The following CCDC186 variants were observed in gnomAD, a reference collection of about 807,000 sequenced individuals.
The protein encoded by CCDC186 is coiled-coil domain-containing protein 186.
In CCDC186, 49 loss-of-function variants were observed where a neutral mutation model predicts 113.7. The observed-to-expected ratio is 0.43, with a 90% CI of 0.34 to 0.55. The LOEUF is 0.55. Among genes scored for constraint, CCDC186 ranks in the 20% least tolerant of loss-of-function variants. The pLI is 0.02. For synonymous variants in CCDC186, 355 were observed against 345.8 expected, an observed-to-expected ratio of 1.03 and a Z score of -0.30; for missense variants, 890 against 1,011.1, an observed-to-expected ratio of 0.88 and a Z score of 1.62.
chr10:114,133,824 G>A lies in CCDC186; in HGVS notation c.1655+1089C>T, dbSNP rs371846808. Among the ~76,000 whole-genome samples the A allele has an allele frequency of 7.2e-5, 11 of 152,234 alleles. No individual in the cohort carries two copies. The East Asian group carries it at 1.7e-3, about 24-fold the overall frequency. On this transcript the variant is annotated intron_variant, in intron 10 of 15. Coordinates refer to ENST00000369287, the MANE Select transcript of CCDC186 (RefSeq NM_018017.4). ...TACAGAACATAGGAAGTGAGGAAAC[G>A]GAGAATGAATACAGAAGATTATATA...
In CCDC186 at chr10:114,169,234, CTTTTTTTT is replaced by C. The variant is rs34677282; in HGVS notation, c.-62+4773_-62+4780del. 5.6e-3 allele frequency among the ~76,000 whole-genome samples: 543 copies of C among 97,514 alleles called. 1 individual carries two copies. Among genetic ancestry groups the C allele is most frequent in the African/African-American group, 0.019 (493 of 25,424 alleles). The allele number at this position is 97,514 out of a possible 152,430, so 64.0% of individuals were successfully genotyped here. On this transcript the variant is annotated intron_variant, in intron 1 of 15. Transcript: ENST00000369287. ...TTAAATTATAAACTGTAGTACCATT[CTTTTTTTT>C]TTTTTTTTTTTTTTTTCTTAAAAAT...
chr10:114,160,706 G>C (rs1029031904), intron 2 of CCDC186, among the ~76,000 whole-genome samples: 1 of 152,076 alleles, frequency 6.6e-6, no homozygotes, highest in African/African-American at 2.4e-5. Flanking sequence ...TATAAACAAA[G>C]ATTTGGAAAT....
At chr10:114,156,622 G>C (rs1490855581) in intron 3 of CCDC186, among the ~76,000 whole-genome samples, 1 of 152,154 alleles carries the variant, frequency 6.6e-6, no homozygotes, top group Non-Finnish European at 1.5e-5. Context: ...AGGTACTCCC[G>C]AGGCTGAGGC....
chr10:114,144,683 C>T, intron 5 of CCDC186, 67 bp from the exon 6 acceptor site: 2 of 1,377,166 alleles, frequency 1.5e-6, no homozygotes, highest in Non-Finnish European at 2.0e-6. Flanking sequence ...TTTTATATTC[C>T]CCACAAAGTA....
At chr10:114,127,429 A>G in intron 14 of CCDC186, 32 bp downstream of exon 14, 1 of 1,592,670 alleles carries the variant, frequency 6.3e-7, no homozygotes, top group Non-Finnish European at 8.6e-7. Context: ...CGGTATTTTG[A>G]AGACCGATCA....
chr10:114,133,561 A>G (rs1001063722), intron 10 of CCDC186, among the ~76,000 whole-genome samples: 13 of 152,370 alleles, frequency 8.5e-5, no homozygotes, highest in African/African-American at 2.4e-4. Context: ...TATGAGAGAA[A>G]GAGAAGCCTG....
chr10:114,161,497 G>A (rs897023044), intron 2 of CCDC186: 1 of 152,058 alleles, frequency 6.6e-6, no homozygotes, highest in African/African-American at 2.4e-5. Flanking sequence ...AGTAAAGTGG[G>A]AAGAGGCATC....
At chr10:114,137,818 T>A (rs1440443485) in intron 6 of CCDC186, among the ~76,000 whole-genome samples, 2 of 151,294 alleles carry the variant, frequency 1.3e-5, no homozygotes, top group African/African-American at 4.9e-5. Context: ...GGGCAGATCA[T>A]CAGAGGTCGG....
At position 114,145,609 on chromosome 10, in the gene CCDC186, A is replaced by G. The variant is rs998802548; in HGVS notation, c.1041T>C (p.Thr347=). 4 of 1,612,936 alleles carry G rather than the reference A, an allele frequency of 2.5e-6. No individual in the cohort carries two copies. The highest frequency in any genetic ancestry group is 3.4e-6 in the Non-Finnish European group (4 of 1,179,846). The change falls in exon 5 of 16, where the codon ACT becomes ACC. Residue 347 remains threonine, a synonymous_variant. Transcript: ENST00000369287. ...RDANKELEKN[T]NKIKQLSQEK... is the part of the protein sequence containing the mutation. ...CCTGAGAAAGCTGCTTAATTTTGTT[A>G]GTGTTTTTCTCAAGTTCCTTATTTG...
In CCDC186 at chr10:114,135,006, T is replaced by A; in HGVS notation, c.1562A>T (p.Lys521Ile). 6.2e-7 allele frequency: 1 copy of A among 1,611,912 alleles called. No individual in the cohort carries two copies. Among genetic ancestry groups the A allele is most frequent in the Non-Finnish European group, 8.5e-7 (1 of 1,179,376 alleles). ...ERLRTEDELSKYKEIINRQKA... is the reference protein window; with the variant it reads ...ERLRTEDELSIYKEIINRQKA... ...TTGGCGATTAATAATTTCCTTATAT[T>A]TTGATAATTCATCTTCTGTTCTTAA... The change falls in exon 10 of 16, where the codon AAA (lysine) becomes ATA (isoleucine). Residue 521 changes from lysine (K) to isoleucine (I), a missense_variant. Physicochemically the swap from Lys to Ile is moderately radical, Grantham distance 102 (BLOSUM62 -3). Coordinates refer to ENST00000369287, the MANE Select transcript of CCDC186 (RefSeq NM_018017.4).
chr10:114,149,694 GAATGGAATGGAAGGA>G (rs1360437600), intron 4 of CCDC186, among the ~76,000 whole-genome samples: 1 of 270 alleles, frequency 3.7e-3, no homozygotes, highest in East Asian at 0.083. Context: ...GGAAAGAAAA[GAATGGAATGGAAGGA>G]AAGGGAGGAA....
In CCDC186 at chr10:114,126,946, C is replaced by T. The variant is rs543948880; in HGVS notation, c.2393+515G>A. Among the ~76,000 whole-genome samples, 203 of 152,210 alleles carry T rather than the reference C, an allele frequency of 1.3e-3. 2 individuals carry two copies. The highest frequency in any genetic ancestry group is 4.5e-3 in the African/African-American group (187 of 41,528). On this transcript the variant is annotated intron_variant, in intron 14 of 15. Transcript: ENST00000369287. ...CTAGGTCTGTCACACAGGGGATGAACGGTGACCCTGGAACATTTAGTGATG... is the reference window on the plus strand; with the variant it reads ...CTAGGTCTGTCACACAGGGGATGAATGGTGACCCTGGAACATTTAGTGATG...
At chr10:114,137,424 T>C (rs2031300399) in intron 6 of CCDC186, 134 bp from the exon 7 acceptor site, 1 of 618,874 alleles carries the variant, frequency 1.6e-6, no homozygotes, top group Non-Finnish European at 2.8e-6. Flanking sequence ...AATAATATTT[T>C]ATGTTTCTGA....
intron 12 of CCDC186, 129 bp from the exon 13 acceptor site, chr10:114,130,100 T>G: frequency 1.5e-6 from 1 of 673,934 alleles, no homozygotes; most frequent in South Asian, 1.8e-5. Context: ...ATACATACTT[T>G]AGGCAGAGGG....
chr10:114,130,422 G>A (rs1270447695), intron 12 of CCDC186: 1 of 154,422 alleles, frequency 6.5e-6, no homozygotes, highest in Non-Finnish European at 1.4e-5. Flanking sequence ...AGAAATAGTA[G>A]AGAATAGGAG....
At chr10:114,138,817 A>G (rs2031365878) in intron 6 of CCDC186, among the ~76,000 whole-genome samples, 1 of 152,136 alleles carries the variant, frequency 6.6e-6, no homozygotes, top group South Asian at 2.1e-4. Context: ...TTTCCAAGAT[A>G]CAGCCTGGCC....
At chr10:114,163,821 G>A (rs1025986304) in intron 1 of CCDC186, among the ~76,000 whole-genome samples, 3 of 151,976 alleles carry the variant, frequency 2.0e-5, no homozygotes, top group Non-Finnish European at 4.4e-5. Flanking sequence ...TACTAAGAAG[G>A]AAACCTAAAT....
At chr10:114,161,457 A>T (rs1388063507) in intron 2 of CCDC186, among the ~76,000 whole-genome samples, 1 of 152,078 alleles carries the variant, frequency 6.6e-6, no homozygotes, top group Admixed American at 6.6e-5. Context: ...TTTATAAGGG[A>T]GGTATGAAAA....
intron 3 of CCDC186, among the ~76,000 whole-genome samples, chr10:114,156,624 G>A (rs1438159040): frequency 6.6e-6 from 1 of 152,172 alleles, no homozygotes; most frequent in African/African-American, 2.4e-5. Flanking sequence ...GTACTCCCGA[G>A]GCTGAGGCAG....
Sources: gnomAD v4.1 joint callset for allele counts (sites outside exome capture counted in the v4.1 genomes callset) on GRCh38, gnomAD v4.1.1 for gene constraint, MANE v1.5 for transcripts, NCBI Gene and HGNC (gene_info 2026-07-23, HGNC 2026-07-21) for gene names.